PPL: variants seen among roughly 807,000 people sequenced by gnomAD.
PPL encodes periplakin, also known as 190 kDa paraneoplastic pemphigus antigen.
In PPL, 198 loss-of-function variants were observed where a neutral mutation model predicts 194.4. The observed-to-expected ratio is 1.02, with a 90% CI of 0.91 to 1.15. PPL has a LOEUF of 1.15. Among genes scored for constraint, PPL ranks in the 50% most tolerant of loss-of-function variants. PPL has a pLI of 0.00. For missense variants in PPL, 2,885 were observed against 2,294.8 expected (o/e 1.26, Z -5.25); for synonymous variants, 1,220 against 972.4 (o/e 1.25, Z -4.74).
chr16:4,887,024 G>T, intron 21 of PPL, 111 bp downstream of exon 21: 1 of 925,046 alleles, frequency 1.1e-6, no homozygotes, highest in Non-Finnish European at 1.7e-6. Context: ...GCCCAGAAAC[G>T]TTAGCAAGGG....
chr16:4,908,754 T>C (rs929660753), intron 2 of PPL, among the ~76,000 whole-genome samples: 2 of 152,200 alleles, frequency 1.3e-5, no homozygotes, highest in Non-Finnish European at 2.9e-5. Context: ...TTGCTCAGGC[T>C]TGTCTGAAAC....
chr16:4,895,330 G>C lies in PPL; in HGVS notation c.1173C>G (p.Leu391=). Reference sequence around the variant, plus strand: ...TGAGCGGAGTCTCCCGGCGGTACTTGAGGGGCACCACCTGCTGGCCTCGCT... The same window carrying C: ...TGAGCGGAGTCTCCCGGCGGTACTTCAGGGGCACCACCTGCTGGCCTCGCT... ...LQKRGQQVVP[L]KYRRETPLKP... The change falls in exon 11 of 22, where the codon CTC becomes CTG. Residue 391 remains leucine (L), a synonymous_variant. Coordinates refer to ENST00000345988, the MANE Select transcript of PPL (RefSeq NM_002705.5). 1 of 1,613,420 alleles carries C rather than the reference G, an allele frequency of 6.2e-7. No homozygotes were observed. The highest frequency in any genetic ancestry group is 1.1e-5 in the South Asian group (1 of 91,086).
At chr16:4,916,169 A>G (rs1361368828) in intron 1 of PPL, among the ~76,000 whole-genome samples, 4 of 152,210 alleles carry the variant, frequency 2.6e-5, no homozygotes, top group Non-Finnish European at 4.4e-5. Context: ...AGCAGTCACC[A>G]TAAGACCCAG....
chr16:4,900,796 C>T, intron 6 of PPL, 34 bp downstream of exon 6: 1 of 1,613,948 alleles, frequency 6.2e-7, no homozygotes, highest in East Asian at 2.2e-5. Context: ...CCTCTCCTCT[C>T]CCCATGAGGC....
rs188851378 is a variant in PPL at position 4,937,040 on chromosome 16, G to A, written c.6C>T (p.Asn2=). The part of the protein sequence containing the change: M[N]SLFRKRNKGK... ...CTTTGTTTCTCTTCCTGAAGAGCGA[G>A]TTCATGGTGGCGCTCGGGGTGCGGG... is the stretch of plus-strand genomic sequence containing the variant. The change falls in exon 1 of 22, where the codon AAC becomes AAT. Residue 2 remains asparagine (N), a synonymous_variant. Coordinates refer to ENST00000345988, the MANE Select transcript of PPL (RefSeq NM_002705.5). 10 of 1,489,692 alleles carry A rather than the reference G, an allele frequency of 6.7e-6. No homozygotes were observed. In the East Asian group the frequency reaches 1.6e-4, roughly 24 times the overall value. 92.3% of individuals were successfully genotyped at this position (1,489,692 alleles called of 1,614,324 possible).
intron 2 of PPL, among the ~76,000 whole-genome samples, chr16:4,904,304 A>T (rs547828747): frequency 6.6e-5 from 10 of 152,324 alleles, no homozygotes; most frequent in African/African-American, 2.2e-4. Context: ...AACAGAGCTC[A>T]AGTACCTACT....
intron 1 of PPL, among the ~76,000 whole-genome samples, chr16:4,916,515 T>A (rs2088919733): frequency 6.6e-6 from 1 of 151,328 alleles, no homozygotes; most frequent in African/African-American, 2.4e-5. Flanking sequence ...CCCAGCCTTA[T>A]TATTTTTTGA....
At chr16:4,920,789 C>T (rs2089034390) in intron 1 of PPL, among the ~76,000 whole-genome samples, 1 of 152,076 alleles carries the variant, frequency 6.6e-6, no homozygotes, top group Admixed American at 6.5e-5. Flanking sequence ...TTTTTGTAGA[C>T]ATGGAGTCTC....
chr16:4,894,651 G>A (rs1313590193), intron 11 of PPL, 33 bp from the exon 12 acceptor site: 3 of 1,603,706 alleles, frequency 1.9e-6, no homozygotes, highest in African/African-American at 1.3e-5. Context: ...TCAGGATCCC[G>A]GCAGGGCCTG....
chr16:4,893,274 C>T lies in PPL; in HGVS notation c.1589G>A (p.Arg530Gln), dbSNP rs549852586. The T allele has an allele frequency of 2.1e-5, 33 of 1,599,722 alleles. No individual in the cohort carries two copies. The Middle Eastern group carries it at 5.7e-4, about 27-fold the overall frequency. The change falls in exon 14 of 22, where the codon CGG becomes CAG. Residue 530 changes from arginine to glutamine, a missense_variant. Physicochemically the swap from Arg to Gln is conservative, Grantham distance 43. Transcript: ENST00000345988. ...AGCCCGGCCTTGCTCCAGTGGTGGC[C>T]GCAGGATCCCTGTGATGGCCTTCTC... ...RQEKAITGILRPPLEQGRAVQ... is the reference protein window; with the variant it reads ...RQEKAITGILQPPLEQGRAVQ...
In PPL at chr16:4,902,595, A is replaced by C; in HGVS notation, c.318-69T>G. 6 of 1,560,848 alleles carry C rather than the reference A, an allele frequency of 3.8e-6. No individual in the cohort carries two copies. In the South Asian group the frequency reaches 7.3e-5, roughly 19 times the overall value. On this transcript the variant is annotated intron_variant, in intron 3 of 21. Transcript: ENST00000345988. This position sits in a 1 kb window ranked among gnomAD's most constrained non-coding sequence, Gnocchi z 4.0. Reference sequence around the variant, plus strand: ...GCCTGCACCCCAGGAGGGGCCCCCCACCCAGACCCCGGCCTCAGTGTCCTG... The same window carrying C: ...GCCTGCACCCCAGGAGGGGCCCCCCCCCCAGACCCCGGCCTCAGTGTCCTG...
chr16:4,930,285 G>A (rs1296619043), intron 1 of PPL, among the ~76,000 whole-genome samples: 4 of 152,200 alleles, frequency 2.6e-5, no homozygotes, highest in East Asian at 3.9e-4. Flanking sequence ...CTATCACTCC[G>A]CATTGCTGCC....
intron 6 of PPL, 23 bp from the exon 7 acceptor site, chr16:4,899,407 A>G: frequency 6.3e-7 from 1 of 1,585,932 alleles, no homozygotes. Flanking sequence ...GGGCAAGGAA[A>G]GGGCTGCGTC....
chr16:4,904,405 G>C (rs2088640633), intron 2 of PPL, among the ~76,000 whole-genome samples: 1 of 152,166 alleles, frequency 6.6e-6, no homozygotes. Context: ...CCACCAGGAA[G>C]GCCAGTCAAA....
At chr16:4,927,736 C>T (rs1293168133) in intron 1 of PPL, among the ~76,000 whole-genome samples, 1 of 152,208 alleles carries the variant, frequency 6.6e-6, no homozygotes, top group Non-Finnish European at 1.5e-5. Context: ...TGTAGTAATT[C>T]CAGGTCTGTT....
In PPL at chr16:4,909,424, C is replaced by CATTTTT. The variant is rs2088773884; in HGVS notation, c.162+1425_162+1426insAAAAAT. On this transcript the variant is annotated intron_variant, in intron 2 of 21. Coordinates refer to ENST00000345988, the MANE Select transcript of PPL (RefSeq NM_002705.5). ...CAGCCTCCCACTCCTCTGGTCCCAC[C>CATTTTT]TTTTTTTTTTTTTTTTTTTTTTGAG... Among the ~76,000 whole-genome samples, 3 of 118,246 alleles carry CATTTTT rather than the reference C, an allele frequency of 2.5e-5. 1 individual carries two copies. Among genetic ancestry groups the CATTTTT allele is most frequent in the Non-Finnish European group, 5.0e-5 (3 of 59,634 alleles). The allele number at this position is 118,246 out of a possible 152,430, so 77.6% of individuals were successfully genotyped here.
At position 4,892,139 on chromosome 16, in the gene PPL, C is replaced by G; in HGVS notation, c.1725G>C (p.Gln575His). ...GTGTGGTGCCACTGCCTGGGAGGGC[C>G]TGGATGAAGGCTTCGCCCTCAGCCG... ...RSTAEGEAFI[Q>H]ALPGSGTTPL... Residue 575 changes from glutamine to histidine, a missense_variant, in exon 15 of 22, where the codon CAG becomes CAC. Gln to His is a conservative substitution (Grantham distance 24, BLOSUM62 0). Coordinates refer to ENST00000345988, the MANE Select transcript of PPL (RefSeq NM_002705.5). 1 of 1,613,814 alleles carries G rather than the reference C, an allele frequency of 6.2e-7. No homozygotes were observed. Among genetic ancestry groups the G allele is most frequent in the Non-Finnish European group, 8.5e-7 (1 of 1,180,026 alleles).
chr16:4,899,397 G>A lies in PPL; in HGVS notation c.607-13C>T, dbSNP rs1168566139. On this transcript the variant is annotated splice_polypyrimidine_tract_variant and intron_variant, in intron 6 of 21. Coordinates refer to ENST00000345988, the MANE Select transcript of PPL (RefSeq NM_002705.5). Reference sequence around the variant, plus strand: ...CCTGTGATGCTGCCTGAAGGGGCCGGGGCAAGGAAAGGGCTGCGTCCTCAG... The same window carrying A: ...CCTGTGATGCTGCCTGAAGGGGCCGAGGCAAGGAAAGGGCTGCGTCCTCAG... The A allele has an allele frequency of 3.1e-6, 5 of 1,595,626 alleles. No individual in the cohort carries two copies. In the African/African-American group the frequency reaches 5.4e-5, roughly 17 times the overall value.
intron 1 of PPL, among the ~76,000 whole-genome samples, chr16:4,923,858 T>A (rs1284748558): frequency 6.6e-6 from 1 of 151,966 alleles, no homozygotes; most frequent in Non-Finnish European, 1.5e-5. Flanking sequence ...TCTTCCTCCG[T>A]GTCACTGGTG....
Sources: allele counts gnomAD v4.1 joint callset (sites outside exome capture counted in the v4.1 genomes callset), GRCh38; gene constraint gnomAD v4.1.1; non-coding constraint Gnocchi (gnomAD v3.1); transcripts MANE v1.5; gene names NCBI Gene and HGNC (gene_info 2026-07-23, HGNC 2026-07-21).